GRAMD2B: variants seen among roughly 807,000 people sequenced by gnomAD.
The protein encoded by GRAMD2B is GRAM domain containing 2B.
Under a neutral mutation model 59.2 loss-of-function variants are expected in GRAMD2B, and 41 were observed. The observed-to-expected ratio is 0.69, with a 90% CI of 0.54 to 0.90. The LOEUF (loss-of-function observed/expected upper bound fraction) is 0.90, where lower values mean the gene tolerates loss of function less well. Among genes scored for constraint, GRAMD2B ranks in the 40% least tolerant of loss-of-function variants. The probability of loss-of-function intolerance (pLI) is 0.00; values close to 1 mark genes in which losing one functional copy is unlikely to be tolerated. For synonymous variants in GRAMD2B, 161 were observed against 182.7 expected, an observed-to-expected ratio of 0.88 and a Z score of 0.96; for missense variants, 424 against 500.5, an observed-to-expected ratio of 0.85 and a Z score of 1.46.
At chr5:126,424,963 G>A (rs919328376) in intron 1 of GRAMD2B, among the ~76,000 whole-genome samples, 2 of 152,202 alleles carry the variant, frequency 1.3e-5, no homozygotes, top group South Asian at 2.1e-4. Flanking sequence ...CCACTATGCT[G>A]TACACTGGTT....
At chr5:126,408,050 C>T (rs1000882766) in intron 1 of GRAMD2B, among the ~76,000 whole-genome samples, 1 of 151,918 alleles carries the variant, frequency 6.6e-6, no homozygotes, top group African/African-American at 2.4e-5. Context: ...GATCTCATCA[C>T]CCAGGTCCTG....
At chr5:126,443,837 G>A (rs1328224791) in intron 1 of GRAMD2B, among the ~76,000 whole-genome samples, 3 of 152,240 alleles carry the variant, frequency 2.0e-5, no homozygotes, top group East Asian at 3.9e-4. Flanking sequence ...ATCGCCTGAG[G>A]TCAAGAGTTC....
chr5:126,465,859 T>C (rs1768252453), intron 2 of GRAMD2B, among the ~76,000 whole-genome samples: 1 of 152,100 alleles, frequency 6.6e-6, no homozygotes, highest in Non-Finnish European at 1.5e-5. Flanking sequence ...CTGCCCGGCC[T>C]TGGGTGTGCA....
intron 1 of GRAMD2B, among the ~76,000 whole-genome samples, chr5:126,452,680 A>T (rs1320280289): frequency 6.6e-6 from 1 of 151,966 alleles, no homozygotes; most frequent in East Asian, 1.9e-4. Context: ...GGCATTCCTG[A>T]TATATAAGTC....
At chr5:126,364,306 C>G (rs1286662690) in intron 1 of GRAMD2B, among the ~76,000 whole-genome samples, 1 of 152,124 alleles carries the variant, frequency 6.6e-6, no homozygotes, top group Non-Finnish European at 1.5e-5. Flanking sequence ...GAGTCTGGAT[C>G]TAATTGCAAA....
intron 1 of GRAMD2B, among the ~76,000 whole-genome samples, chr5:126,462,888 GA>G (rs57101040): frequency 6.6e-6 from 1 of 152,174 alleles, no homozygotes; most frequent in Non-Finnish European, 1.5e-5. Context: ...AGAGTATGTA[GA>G]AAAAAGCTAC....
At chr5:126,373,161 T>TA (rs143743525) in intron 1 of GRAMD2B, among the ~76,000 whole-genome samples, 3,374 of 152,226 alleles carry the variant, frequency 0.022, 127 homozygotes, top group African/African-American at 0.076. Flanking sequence ...AGAACCGACC[T>TA]AAAAAAATTT....
chr5:126,373,658 A>G (rs963505131), intron 1 of GRAMD2B, among the ~76,000 whole-genome samples: 13 of 152,254 alleles, frequency 8.5e-5, no homozygotes, highest in African/African-American at 3.1e-4. Flanking sequence ...ACATAAATAC[A>G]TAATTCAAAA....
At chr5:126,490,145 C>G (rs553479130) in intron 13 of GRAMD2B, 1 of 152,178 alleles carries the variant, frequency 6.6e-6, no homozygotes, top group South Asian at 2.1e-4. Context: ...TAGCTTTCTT[C>G]CTTTCTAAAA....
intron 1 of GRAMD2B, among the ~76,000 whole-genome samples, chr5:126,374,324 T>C (rs1755006983): frequency 6.6e-6 from 1 of 152,194 alleles, no homozygotes; most frequent in African/African-American, 2.4e-5. Context: ...AGGAGAAACA[T>C]CTTTTCAACA....
chr5:126,386,105 T>C lies in GRAMD2B; in HGVS notation c.125+14538T>C, dbSNP rs528009695. 3.9e-5 allele frequency among the ~76,000 whole-genome samples: 6 copies of C among 152,350 alleles called. No individual in the cohort carries two copies. The South Asian group carries it at 1.0e-3, about 26-fold the overall frequency. ...AAAATAAAACTCTCCAGGATTAATA[T>C]CATCCTATTTGTTTTTCTTTTAGAG... On this transcript the variant is annotated intron_variant, in intron 1 of 8. Transcript: ENST00000506445.
intron 1 of GRAMD2B, among the ~76,000 whole-genome samples, chr5:126,402,461 C>T (rs546303365): frequency 3.3e-5 from 5 of 152,172 alleles, no homozygotes; most frequent in African/African-American, 1.2e-4. Flanking sequence ...ACAACACCAA[C>T]CTCTTCAAAG....
intron 1 of GRAMD2B, among the ~76,000 whole-genome samples, chr5:126,381,010 C>T (rs971751740): frequency 3.3e-5 from 5 of 152,170 alleles, no homozygotes; most frequent in Non-Finnish European, 7.3e-5. Context: ...CAACTTTTCA[C>T]CATTCAGTAT....
intron 1 of GRAMD2B, among the ~76,000 whole-genome samples, chr5:126,398,728 G>A (rs1757577181): frequency 6.6e-6 from 1 of 152,086 alleles, no homozygotes; most frequent in East Asian, 1.9e-4. Context: ...TTTAAAGTAG[G>A]CATTCATCAC....
intron 1 of GRAMD2B, among the ~76,000 whole-genome samples, chr5:126,459,981 G>T (rs2126742596): frequency 6.6e-6 from 1 of 152,242 alleles, no homozygotes; most frequent in South Asian, 2.1e-4. Flanking sequence ...TTGCAATGTT[G>T]TTAGTATTTG....
chr5:126,419,344 G>A (rs1021266278), upstream of GRAMD2B, among the ~76,000 whole-genome samples: 4 of 152,174 alleles, frequency 2.6e-5, no homozygotes, highest in Admixed American at 2.6e-4. Flanking sequence ...GCGAGAGAGA[G>A]CGAAAAGGGG....
At chr5:126,418,136 T>G (rs958816692) in intron 1 of GRAMD2B, among the ~76,000 whole-genome samples, 4 of 152,138 alleles carry the variant, frequency 2.6e-5, no homozygotes, top group African/African-American at 9.7e-5. Flanking sequence ...TGAGTTCAAG[T>G]GCTGGGTCCT....
At chr5:126,445,908 G>C (rs1764136437) in intron 1 of GRAMD2B, among the ~76,000 whole-genome samples, 1 of 152,212 alleles carries the variant, frequency 6.6e-6, no homozygotes, top group African/African-American at 2.4e-5. Flanking sequence ...GGAAGGGCAA[G>C]AGAAAAGGGG....
In GRAMD2B at chr5:126,486,865, G is replaced by A. The variant is rs749415193; in HGVS notation, c.1059-8G>A. On this transcript the variant is annotated splice_polypyrimidine_tract_variant and splice_region_variant and intron_variant, in intron 11 of 13. Transcript: ENST00000285689. Reference sequence around the variant, plus strand: ...CCTAACGAAAGTTTCTCTTTCATCCGTTTCCAGTGTCTGTGCACTAATCAT... The same window carrying A: ...CCTAACGAAAGTTTCTCTTTCATCCATTTCCAGTGTCTGTGCACTAATCAT... 20 of 1,569,724 alleles carry A rather than the reference G, an allele frequency of 1.3e-5. No individual in the cohort carries two copies. The highest frequency in any genetic ancestry group is 2.2e-5 in the South Asian group (2 of 89,982).
Sources: allele counts gnomAD v4.1 joint callset (sites outside exome capture counted in the v4.1 genomes callset), GRCh38; gene constraint gnomAD v4.1.1; transcripts MANE v1.5; gene names NCBI Gene and HGNC (gene_info 2026-07-23, HGNC 2026-07-21).